Variants in EPHB2 observed in about 807,000 individuals in gnomAD.
EPHB2 encodes the protein ephrin type-B receptor 2.
In EPHB2, 18 loss-of-function variants were observed where a neutral mutation model predicts 96.4. The ratio of observed to expected loss-of-function variants is 0.19; its 90% confidence interval spans 0.13 to 0.28. The LOEUF (loss-of-function observed/expected upper bound fraction) is 0.28, where lower values mean the gene tolerates loss of function less well. Among genes scored for constraint, EPHB2 ranks in the 10% least tolerant of loss-of-function variants. The probability of loss-of-function intolerance (pLI) is 1.00; values close to 1 mark genes in which losing one functional copy is unlikely to be tolerated. For synonymous variants in EPHB2, 506 were observed against 534.1 expected, an observed-to-expected ratio of 0.95 and a Z score of 0.72; for missense variants, 989 against 1,355.4, an observed-to-expected ratio of 0.73 and a Z score of 4.25.
chr1:22,918,434 A>G lies in EPHB2; in HGVS notation c.*4864A>G, dbSNP rs2124175760. On this transcript the variant is annotated 3_prime_UTR_variant, in exon 16 of 16. Transcript: ENST00000374630. This position sits in a 1 kb window ranked among gnomAD's most constrained non-coding sequence, Gnocchi z 4.2. ...GCGGGCGTGCGGGTGGGCATGAGAA[A>G]TTGCTCAGGAAACCCATCCCTGCCC... The G allele has an allele frequency of 2.6e-5, 4 of 152,340 alleles. 1 individual carries two copies. In the South Asian group the frequency reaches 8.3e-4, roughly 32 times the overall value. 9.4% of individuals were successfully genotyped at this position (152,340 alleles called of 1,614,324 possible). A position where few individuals can be genotyped will look rare whatever the true frequency, so the allele number is the denominator to read the frequency against.
intron 1 of EPHB2, among the ~76,000 whole-genome samples, chr1:22,769,673 G>T (rs1644352151): frequency 6.6e-6 from 1 of 152,196 alleles, no homozygotes; most frequent in Admixed American, 6.5e-5. Context: ...CTCCCAAAGT[G>T]CTGGGATTAC....
At chr1:22,866,842 A>C (rs978429598) in intron 5 of EPHB2, among the ~76,000 whole-genome samples, 3 of 152,116 alleles carry the variant, frequency 2.0e-5, no homozygotes, top group African/African-American at 2.4e-5. Flanking sequence ...GCTGAGGCAG[A>C]AGAATCGCTT....
At chr1:22,899,395 A>C (rs1476520676) in intron 9 of EPHB2, among the ~76,000 whole-genome samples, 5 of 143,962 alleles carry the variant, frequency 3.5e-5, no homozygotes, top group Non-Finnish European at 6.1e-5. Context: ...CAGCTACTTC[A>C]GAGGCTGAGG....
intron 3 of EPHB2, among the ~76,000 whole-genome samples, chr1:22,808,468 C>T (rs1228795487): frequency 6.6e-6 from 1 of 152,212 alleles, no homozygotes; most frequent in Non-Finnish European, 1.5e-5. Flanking sequence ...CCAAATTAAC[C>T]ACGGCCCTCT....
chr1:22,819,459 C>T (rs1245130326), intron 3 of EPHB2, among the ~76,000 whole-genome samples: 3 of 152,156 alleles, frequency 2.0e-5, no homozygotes, highest in African/African-American at 7.2e-5. Flanking sequence ...ATCCTCCTGT[C>T]TTGGGACCTG....
At chr1:22,848,643 C>T (rs1323732623) in intron 3 of EPHB2, among the ~76,000 whole-genome samples, 2 of 152,178 alleles carry the variant, frequency 1.3e-5, no homozygotes, top group African/African-American at 4.8e-5. Context: ...CAGAAGTCAA[C>T]AGGAGGAAGG....
chr1:22,726,523 C>T (rs909521688), intron 1 of EPHB2, among the ~76,000 whole-genome samples: 3 of 151,884 alleles, frequency 2.0e-5, no homozygotes, highest in East Asian at 1.9e-4. Flanking sequence ...CAGGTTCAAG[C>T]GATTCTCCTG....
chr1:22,881,255 AGGTGTGGT>A (rs1379989191), intron 5 of EPHB2, among the ~76,000 whole-genome samples: 1 of 152,092 alleles, frequency 6.6e-6, no homozygotes, highest in African/African-American at 2.4e-5. Flanking sequence ...AAAATTAACC[AGGTGTGGT>A]GGTGCACACC....
At chr1:22,798,158 G>A (rs1177807039) in intron 3 of EPHB2, among the ~76,000 whole-genome samples, 1 of 152,148 alleles carries the variant, frequency 6.6e-6, no homozygotes, top group Admixed American at 6.5e-5. Context: ...CTCACAGAAG[G>A]TTCTCAATAA....
In EPHB2 at chr1:22,860,280, G is replaced by A. The variant is rs748980382; in HGVS notation, c.812-2757G>A. On this transcript the variant is annotated intron_variant, in intron 3 of 15. Coordinates refer to ENST00000374630, the MANE Select transcript of EPHB2 (RefSeq NM_017449.5). The surrounding 1 kb of genome is among the most constrained non-coding windows in gnomAD (Gnocchi z 4.6). ...TCTAGATGCTGGCAGCGGGGGGAGC[G>A]GCCAAGACCAGACCAGAGACTGCTG... 2.6e-5 allele frequency among the ~76,000 whole-genome samples: 4 copies of A among 152,020 alleles called. No homozygotes were observed. Among genetic ancestry groups the A allele is most frequent in the Admixed American group, 6.6e-5 (1 of 15,266 alleles).
At chr1:22,714,009 A>G (rs1643228978) in intron 1 of EPHB2, among the ~76,000 whole-genome samples, 1 of 152,344 alleles carries the variant, frequency 6.6e-6, no homozygotes, top group South Asian at 2.1e-4. Context: ...GACCCTGTCC[A>G]TCCCTGGCCG....
chr1:22,736,005 A>C (rs1486274351), intron 1 of EPHB2, among the ~76,000 whole-genome samples: 1 of 152,186 alleles, frequency 6.6e-6, no homozygotes, highest in Non-Finnish European at 1.5e-5. Context: ...GTGACTTTCG[A>C]TAGGCTCTTT....
intron 1 of EPHB2, among the ~76,000 whole-genome samples, chr1:22,752,252 C>A (rs1644075011): frequency 6.6e-6 from 1 of 152,258 alleles, no homozygotes; most frequent in Admixed American, 6.5e-5. Flanking sequence ...AATCCCAGCA[C>A]TTTGGGGGGC....
At chr1:22,789,392 T>A (rs535094078) in intron 3 of EPHB2, among the ~76,000 whole-genome samples, 2 of 152,070 alleles carry the variant, frequency 1.3e-5, no homozygotes, top group South Asian at 4.2e-4. Context: ...TCAGAGGGAG[T>A]GGCCACCATT....
In EPHB2 at chr1:22,846,234, A is replaced by C. The variant is rs1645539473; in HGVS notation, c.812-16803A>C. ...GGAGTTCGAGACCAGCCTGGCCAAC[A>C]TGGTGAAACGCCATCTCGACTAAAA... On this transcript the variant is annotated intron_variant, in intron 3 of 15. Transcript: ENST00000374630. This position sits in a 1 kb window ranked among gnomAD's most constrained non-coding sequence, Gnocchi z 4.3. Among the ~76,000 whole-genome samples the C allele has an allele frequency of 6.6e-6, 1 of 152,236 alleles. No individual in the cohort carries two copies. Among genetic ancestry groups the C allele is most frequent in the East Asian group, 1.9e-4 (1 of 5,170 alleles).
chr1:22,750,214 A>AGGCAGTGG (rs1197462302), intron 1 of EPHB2, among the ~76,000 whole-genome samples: 2 of 152,144 alleles, frequency 1.3e-5, no homozygotes, highest in African/African-American at 4.8e-5. Flanking sequence ...ATGAAAAGAA[A>AGGCAGTGG]GGCAGTGGGG....
chr1:22,730,991 C>T (rs1643697428), intron 1 of EPHB2, among the ~76,000 whole-genome samples: 2 of 151,974 alleles, frequency 1.3e-5, no homozygotes, highest in Admixed American at 6.6e-5. Context: ...CAGTAAGTGG[C>T]CCTGGTTTTG....
Position 22,856,661 on chromosome 1 carries a change from C to T in EPHB2, c.812-6376C>T, listed in dbSNP as rs114785301. Among the ~76,000 whole-genome samples the T allele has an allele frequency of 4.5e-3, 679 of 152,216 alleles. 8 individuals carry two copies. The highest frequency in any genetic ancestry group is 0.014 in the African/African-American group (601 of 41,532). On this transcript the variant is annotated intron_variant, in intron 3 of 15. Transcript: ENST00000374630. ...ACTGACTTGCTATGTGACCTTAGGG[C>T]GGTCACTTCACTCTCCCTGAGCCTC...
intron 1 of EPHB2, among the ~76,000 whole-genome samples, chr1:22,724,288 C>A (rs770748614): frequency 1.3e-5 from 2 of 152,032 alleles, no homozygotes; most frequent in Non-Finnish European, 2.9e-5. Flanking sequence ...TTTTCTGAAC[C>A]ATTTGTACAT....
Sources: gnomAD v4.1 joint callset for allele counts (sites outside exome capture counted in the v4.1 genomes callset) on GRCh38, gnomAD v4.1.1 for gene constraint, Gnocchi (gnomAD v3.1) non-coding constraint, MANE v1.5 for transcripts, NCBI Gene and HGNC (gene_info 2026-07-23, HGNC 2026-07-21) for gene names.